COP1: variants seen among roughly 807,000 people sequenced by gnomAD.
COP1 encodes COP1 E3 ubiquitin ligase.
A neutral mutation model predicts 101.3 loss-of-function variants in COP1; 24 were observed. That is an observed-to-expected ratio of 0.24 (90% CI 0.17 to 0.33). The LOEUF (loss-of-function observed/expected upper bound fraction) is 0.33, where lower values mean the gene tolerates loss of function less well. COP1 is among the 10% of genes least tolerant of loss of function. The pLI is 1.00. For synonymous variants in COP1, 347 were observed against 341.9 expected (o/e 1.01, Z -0.17); for missense variants, 663 against 906.2 (o/e 0.73, Z 3.45).
intron 14 of COP1, among the ~76,000 whole-genome samples, chr1:176,031,370 C>A (rs775705307): frequency 6.6e-6 from 1 of 151,998 alleles, no homozygotes; most frequent in Admixed American, 6.6e-5. Context: ...ATAAATGAGG[C>A]GATCCTCAAA....
chr1:176,116,543 T>C lies in COP1; in HGVS notation c.1026+81A>G, dbSNP rs761406444. On this transcript the variant is annotated intron_variant, in intron 9 of 19. Coordinates refer to ENST00000367669, the MANE Select transcript of COP1 (RefSeq NM_022457.7). ...AAATGGTTGTCTTTGTGACAGGACA[T>C]TTTAGTAAACTAATCTATGATTTTA... is the stretch of plus-strand genomic sequence containing the variant. 3.6e-5 allele frequency: 43 copies of C among 1,190,456 alleles called. 1 individual carries two copies. Among genetic ancestry groups the C allele is most frequent in the Admixed American group, 1.2e-4 (6 of 50,380 alleles). 73.7% of individuals were successfully genotyped at this position (1,190,456 alleles called of 1,614,324 possible).
intron 10 of COP1, among the ~76,000 whole-genome samples, chr1:176,081,951 T>C (rs1038869006): frequency 1.3e-5 from 2 of 152,108 alleles, no homozygotes; most frequent in African/African-American, 4.8e-5. Context: ...AAACAATAAT[T>C]CCATCCAGTG....
chr1:176,110,473 G>A (rs928434641), intron 9 of COP1, among the ~76,000 whole-genome samples: 60 of 152,174 alleles, frequency 3.9e-4, no homozygotes, highest in Middle Eastern at 6.8e-3. Context: ...AGGGACATTC[G>A]TAGACATATC....
chr1:176,064,310 T>A (rs942646671), intron 11 of COP1, among the ~76,000 whole-genome samples: 3 of 152,194 alleles, frequency 2.0e-5, no homozygotes, highest in Non-Finnish European at 4.4e-5. Flanking sequence ...ATATTTTTAA[T>A]ATTATTTTTA....
chr1:176,027,274 TTA>T (rs1275380008), intron 15 of COP1, among the ~76,000 whole-genome samples: 1 of 152,218 alleles, frequency 6.6e-6, no homozygotes, highest in African/African-American at 2.4e-5. Flanking sequence ...TTAAATGTTA[TTA>T]TGACCTTATG....
At chr1:176,020,312 G>GAAAA (rs72482029) in intron 15 of COP1, among the ~76,000 whole-genome samples, 1 of 85,148 alleles carries the variant, frequency 1.2e-5, no homozygotes, top group Non-Finnish European at 2.3e-5. Context: ...CTCCATCTCG[G>GAAAA]AAAAAAAAAA....
intron 15 of COP1, among the ~76,000 whole-genome samples, chr1:176,000,903 G>C (rs1661447504): frequency 6.6e-6 from 1 of 151,968 alleles, no homozygotes; most frequent in Non-Finnish European, 1.5e-5. Flanking sequence ...ACCTAGTTCA[G>C]ATGATCACTA....
At chr1:176,026,893 G>T (rs1667763333) in intron 15 of COP1, among the ~76,000 whole-genome samples, 1 of 151,884 alleles carries the variant, frequency 6.6e-6, no homozygotes, top group African/African-American at 2.4e-5. Context: ...AAAAATTAAG[G>T]GTAGGGTGAC....
chr1:176,024,686 T>A (rs1667374011), intron 15 of COP1, among the ~76,000 whole-genome samples: 1 of 152,172 alleles, frequency 6.6e-6, no homozygotes, highest in African/African-American at 2.4e-5. Context: ...TGATTCTACG[T>A]GTAGAAAACC....
rs1390251913 is a variant in COP1, at chr1:176,135,121, T to A, written c.892-35A>T. The A allele has an allele frequency of 2.2e-6, 3 of 1,351,472 alleles. No homozygotes were observed. The East Asian group carries it at 7.3e-5, about 33-fold the overall frequency. The allele number at this position is 1,351,472 out of a possible 1,614,324, so 83.7% of individuals were successfully genotyped here. A position where few individuals can be genotyped will look rare whatever the true frequency, so the allele number is the denominator to read the frequency against. On this transcript the variant is annotated intron_variant, in intron 7 of 19. Coordinates refer to ENST00000367669, the MANE Select transcript of COP1 (RefSeq NM_022457.7). ...AAATTATTTGAATTATAGTAGATAT[T>A]TCAAATAGAAGATATATAAATCAAA... is the stretch of plus-strand genomic sequence containing the variant.
intron 11 of COP1, among the ~76,000 whole-genome samples, chr1:176,060,333 TA>T (rs1674614904): frequency 6.6e-6 from 1 of 152,206 alleles, no homozygotes; most frequent in South Asian, 2.1e-4. Flanking sequence ...AGATGCCCTT[TA>T]AAATCAATAT....
chr1:176,060,131 G>A (rs1036571755), intron 11 of COP1, among the ~76,000 whole-genome samples: 2 of 151,996 alleles, frequency 1.3e-5, no homozygotes, highest in African/African-American at 2.4e-5. Context: ...CATTTTGTTT[G>A]AATTCCATAA....
intron 11 of COP1, among the ~76,000 whole-genome samples, chr1:176,073,084 T>C (rs890735802): frequency 2.0e-5 from 3 of 152,224 alleles, no homozygotes; most frequent in African/African-American, 7.2e-5. Context: ...AGGTTTATCT[T>C]GGACAAGTTA....
chr1:176,112,380 A>C lies in COP1; in HGVS notation c.1026+4244T>G, dbSNP rs564608361. ...CACAACGTGCAGGTTTGTTACGTAT[A>C]TATACATGTGCCATGTTGGTGTGCT... On this transcript the variant is annotated intron_variant, in intron 9 of 19. Transcript: ENST00000367669. Among the ~76,000 whole-genome samples, 5 of 152,208 alleles carry C rather than the reference A, an allele frequency of 3.3e-5. No individual in the cohort carries two copies. The East Asian group carries it at 9.6e-4, about 29-fold the overall frequency.
At chr1:175,988,884 G>C (rs1393459708) in intron 16 of COP1, 2 of 156,758 alleles carry the variant, frequency 1.3e-5, no homozygotes, top group African/African-American at 4.8e-5. Context: ...TGAAATCACA[G>C]ATAAATGACC....
chr1:176,110,047 C>T (rs538141926), intron 9 of COP1, among the ~76,000 whole-genome samples: 1 of 152,246 alleles, frequency 6.6e-6, no homozygotes, highest in South Asian at 2.1e-4. Flanking sequence ...CACAGGTACT[C>T]AGAGGAGTCT....
chr1:176,029,495 T>G (rs1009132527), intron 14 of COP1, among the ~76,000 whole-genome samples: 1 of 152,202 alleles, frequency 6.6e-6, no homozygotes, highest in Non-Finnish European at 1.5e-5. Context: ...AGTATATAAG[T>G]TGTCATCCTG....
chr1:175,955,327 T>C (rs533117696), intron 18 of COP1, among the ~76,000 whole-genome samples: 16 of 152,228 alleles, frequency 1.1e-4, no homozygotes, highest in African/African-American at 3.9e-4. Context: ...AAACTAAGAA[T>C]AGAAAGGAAC....
chr1:176,146,595 C>A (rs983579191), intron 6 of COP1, among the ~76,000 whole-genome samples: 3 of 152,196 alleles, frequency 2.0e-5, no homozygotes, highest in African/African-American at 7.2e-5. Flanking sequence ...TTATCTCTTT[C>A]CAAAAGCTGA....
Sources: gnomAD v4.1 joint callset for allele counts (sites outside exome capture counted in the v4.1 genomes callset) on GRCh38, gnomAD v4.1.1 for gene constraint, MANE v1.5 for transcripts, NCBI Gene and HGNC (gene_info 2026-07-23, HGNC 2026-07-21) for gene names.